The following NR3C2 variants were observed in gnomAD, a reference collection of about 807,000 sequenced individuals.
NR3C2 encodes nuclear receptor subfamily 3 group C member 2.
Under a neutral mutation model 86.4 loss-of-function variants are expected in NR3C2, and 15 were observed. The ratio of observed to expected loss-of-function variants is 0.17; its 90% CI spans 0.12 to 0.27. The LOEUF is 0.27. Among genes scored for constraint, NR3C2 ranks in the 10% least tolerant of loss-of-function variants. The probability of loss-of-function intolerance (pLI) is 1.00; values close to 1 mark genes in which losing one functional copy is unlikely to be tolerated. For synonymous variants in NR3C2, 458 were observed against 450.5 expected (o/e 1.02, Z -0.21); for missense variants, 960 against 1,195.6 (o/e 0.80, Z 2.91).
rs1732169191 is a variant in NR3C2, at chr4:148,114,158, C to T, written c.2745G>A (p.Gly915=). The part of the protein sequence containing the change: ...KMVTKCPNNS[G]QSWQRFYQLT... ...GTTGGTAGAACCTCTGCCAGCTCTG[C>T]CCAGAATTGTTGGGACACTTAGTTA... Residue 915 remains glycine, a synonymous_variant, in exon 8 of 9, where the codon GGG becomes GGA. Transcript: ENST00000358102. 23 of 1,613,842 alleles carry T rather than the reference C, an allele frequency of 1.4e-5. No individual in the cohort carries two copies. The East Asian group carries it at 5.1e-4, about 36-fold the overall frequency.
At chr4:148,377,247 T>C (rs944168939) in intron 2 of NR3C2, among the ~76,000 whole-genome samples, 3 of 152,132 alleles carry the variant, frequency 2.0e-5, no homozygotes, top group Non-Finnish European at 2.9e-5. Flanking sequence ...AAATTTTAGA[T>C]AAGAGTTCAA....
chr4:148,375,645 C>A (rs931673250), intron 2 of NR3C2, among the ~76,000 whole-genome samples: 1 of 152,040 alleles, frequency 6.6e-6, no homozygotes, highest in African/African-American at 2.4e-5. Flanking sequence ...TTTTGCTCGT[C>A]TATTTTAATA....
chr4:148,109,934 T>G (rs192108928), intron 8 of NR3C2, among the ~76,000 whole-genome samples: 48 of 152,340 alleles, frequency 3.2e-4, no homozygotes, highest in Admixed American at 3.1e-3. Flanking sequence ...TCTCTAAGAA[T>G]GAATAGAAGT....
intron 3 of NR3C2, among the ~76,000 whole-genome samples, chr4:148,251,384 A>G (rs1739569666): frequency 6.6e-6 from 1 of 152,148 alleles, no homozygotes; most frequent in Non-Finnish European, 1.5e-5. Flanking sequence ...AGCAATTTCC[A>G]TTTCTGGTGT....
At chr4:148,166,141 G>T (rs1734867655) in intron 4 of NR3C2, among the ~76,000 whole-genome samples, 1 of 152,174 alleles carries the variant, frequency 6.6e-6, no homozygotes, top group Non-Finnish European at 1.5e-5. Context: ...TCTAGGCTGG[G>T]ATCTCTTCAG....
chr4:148,435,105 T>C lies in NR3C2; in HGVS notation c.1756A>G (p.Ser586Gly). ...AAAAAATGGAGAAAACCAACTTACC[T>C]TGATACATTTTCTGGAATGTATTCT... ...VLEYIPENVS[S>G]STLRSVSTGS... The change falls in exon 2 of 9, where the codon AGC becomes GGC. Residue 586 changes from serine to glycine, a missense_variant and splice_region_variant. Coordinates refer to ENST00000358102, the MANE Select transcript of NR3C2 (RefSeq NM_000901.5). The C allele has an allele frequency of 6.2e-7, 1 of 1,614,174 alleles. No individual in the cohort carries two copies. Among genetic ancestry groups the C allele is most frequent in the Non-Finnish European group, 8.5e-7 (1 of 1,179,992 alleles).
At chr4:148,441,367 T>C (rs1254868771) in intron 1 of NR3C2, among the ~76,000 whole-genome samples, 3 of 152,208 alleles carry the variant, frequency 2.0e-5, no homozygotes, top group African/African-American at 4.8e-5. Context: ...ATATCATCAA[T>C]AACAGCACCT....
intron 1 of NR3C2, among the ~76,000 whole-genome samples, chr4:148,441,821 G>T (rs1750356264): frequency 6.6e-6 from 1 of 152,228 alleles, no homozygotes; most frequent in African/African-American, 2.4e-5. Flanking sequence ...ATAAAGGAAA[G>T]AAATATTATT....
intron 8 of NR3C2, among the ~76,000 whole-genome samples, chr4:148,093,762 T>C (rs923213300): frequency 6.6e-6 from 1 of 152,132 alleles, no homozygotes; most frequent in Non-Finnish European, 1.5e-5. Context: ...ATATAAGAAG[T>C]TTGGCCTTTA....
chr4:148,266,075 CTTT>C (rs71594256), intron 2 of NR3C2, among the ~76,000 whole-genome samples: 3 of 134,840 alleles, frequency 2.2e-5, no homozygotes, highest in African/African-American at 2.7e-5. Context: ...CAGAAGGCCG[CTTT>C]TTTTTTTTTT....
chr4:148,329,254 C>A (rs1426621303), intron 2 of NR3C2, among the ~76,000 whole-genome samples: 1 of 152,142 alleles, frequency 6.6e-6, no homozygotes, highest in Non-Finnish European at 1.5e-5. Context: ...ATCTTTTATG[C>A]ATCTTTCTTT....
intron 6 of NR3C2, among the ~76,000 whole-genome samples, chr4:148,127,050 C>T (rs1029102292): frequency 6.6e-6 from 1 of 152,088 alleles, no homozygotes; most frequent in African/African-American, 2.4e-5. Flanking sequence ...TTTGTTTATT[C>T]TTTGCTCCCC....
chr4:148,091,726 TA>T (rs1422965981), intron 8 of NR3C2, among the ~76,000 whole-genome samples: 1 of 152,116 alleles, frequency 6.6e-6, no homozygotes, highest in East Asian at 1.9e-4. Context: ...TGCCTGAGCC[TA>T]AAAAAGCCAG....
At chr4:148,250,320 C>A (rs1739517287) in intron 3 of NR3C2, among the ~76,000 whole-genome samples, 1 of 152,080 alleles carries the variant, frequency 6.6e-6, no homozygotes, top group South Asian at 2.1e-4. Flanking sequence ...TTATTTGCTA[C>A]ACAGAAATTT....
rs33928091 is a variant in NR3C2 at position 148,419,095 on chromosome 4, C to CTT, written c.1757+16007_1757+16008dup. On this transcript the variant is annotated intron_variant, in intron 2 of 8. Transcript: ENST00000358102. ...ATTCTCTATTTCACGGTTGTTTTTC[C>CTT]TTTTTTTTTTTCTTTTTGTCTGGCT... Among the ~76,000 whole-genome samples, 46 of 147,694 alleles carry CTT rather than the reference C, an allele frequency of 3.1e-4. No homozygotes were observed. The East Asian group carries it at 3.5e-3, about 11-fold the overall frequency.
intron 4 of NR3C2, among the ~76,000 whole-genome samples, chr4:148,181,619 A>G (rs76070748): frequency 0.021 from 3,199 of 152,322 alleles, 128 homozygotes; most frequent in African/African-American, 0.074. Context: ...TTCCTTTGAA[A>G]AAAGCTACAC....
intron 4 of NR3C2, among the ~76,000 whole-genome samples, chr4:148,166,099 A>G (rs1734865630): frequency 6.6e-6 from 1 of 152,262 alleles, no homozygotes; most frequent in South Asian, 2.1e-4. Context: ...ATAGTAGCCA[A>G]TGATGCATGT....
intron 6 of NR3C2, among the ~76,000 whole-genome samples, chr4:148,134,761 G>A (rs1733216522): frequency 6.7e-6 from 1 of 149,018 alleles, no homozygotes; most frequent in African/African-American, 2.5e-5. Flanking sequence ...TGATTCTCCT[G>A]CCTCAGCCTT....
intron 7 of NR3C2, 50 bp downstream of exon 7, chr4:148,120,108 G>C (rs1485494861): frequency 3.7e-6 from 6 of 1,611,898 alleles, no homozygotes; most frequent in Non-Finnish European, 5.1e-6. Flanking sequence ...GCCCTATGGG[G>C]AAGATGATCT....
Sources: gnomAD v4.1 joint callset for allele counts (sites outside exome capture counted in the v4.1 genomes callset) on GRCh38, gnomAD v4.1.1 for gene constraint, MANE v1.5 for transcripts, NCBI Gene and HGNC (gene_info 2026-07-23, HGNC 2026-07-21) for gene names.